The following CCNE2 variants were observed in gnomAD, a reference collection of about 807,000 sequenced individuals.
CCNE2 encodes the protein cyclin E2.
CCNE2 carries 18 observed loss-of-function variants against 56.8 expected under a neutral mutation model. The ratio of observed to expected loss-of-function variants is 0.32; its 90% CI spans 0.22 to 0.47. The LOEUF (loss-of-function observed/expected upper bound fraction) is 0.47. Among genes scored for constraint, CCNE2 ranks in the 20% least tolerant of loss-of-function variants. The pLI is 1.00. For synonymous variants in CCNE2, 139 were observed against 149.2 expected, an observed-to-expected ratio of 0.93 and a Z score of 0.50; for missense variants, 371 against 467.1, an observed-to-expected ratio of 0.79 and a Z score of 1.90.
At chr8:94,896,095 T>G (rs1289504347), upstream of CCNE2, among the ~76,000 whole-genome samples, 2 of 152,080 alleles carry the variant, frequency 1.3e-5, no homozygotes, top group Non-Finnish European at 2.9e-5. Context: ...CTCCCTTGCT[T>G]CCTCTCTTCT....
chr8:94,889,148 CAAA>C (rs763468581), intron 6 of CCNE2, among the ~76,000 whole-genome samples: 3 of 111,948 alleles, frequency 2.7e-5, no homozygotes, highest in Admixed American at 9.3e-5. Flanking sequence ...GGCTCCGTCT[CAAA>C]AAAAAAAAAA....
chr8:94,893,930 T>C lies in CCNE2; in HGVS notation c.126A>G (p.Arg42=), dbSNP rs1586559047. ...KRKTTQDVKK[R]REEVTKKHQY... ...GATGTTTCTTGGTGACCTCCTCTCT[T>C]CTTTTTTTGACATCCTGGAAAATAG... is the stretch of plus-strand genomic sequence containing the variant. Residue 42 remains arginine (R), a synonymous_variant, in exon 4 of 12, where the codon AGA becomes AGG. Coordinates refer to ENST00000308108, the MANE Select transcript of CCNE2 (RefSeq NM_057749.3). The C allele has an allele frequency of 6.2e-7, 1 of 1,614,180 alleles. No homozygotes were observed. The highest frequency in any genetic ancestry group is 8.5e-7 in the Non-Finnish European group (1 of 1,180,016).
chr8:94,880,232 T>G lies in CCNE2; in HGVS notation c.*1400A>C. On this transcript the variant is annotated 3_prime_UTR_variant, in exon 12 of 12. Transcript: ENST00000308108. ...CCAAGCAATGGCAAAACTTTACTTT[T>G]AAGCAGTTAAATTTTTTTAACTTTT... 1 of 1,562,306 alleles carries G rather than the reference T, an allele frequency of 6.4e-7. No homozygotes were observed. The highest frequency in any genetic ancestry group is 8.7e-7 in the Non-Finnish European group (1 of 1,146,236).
intron 10 of CCNE2, among the ~76,000 whole-genome samples, 167 bp downstream of exon 10, chr8:94,882,614 C>A (rs185712331): frequency 1.0e-3 from 152 of 152,232 alleles, no homozygotes; most frequent in African/African-American, 3.5e-3. Context: ...TTTGTTGATA[C>A]ACATTCAGGA....
At position 94,881,453 on chromosome 8, in the gene CCNE2, A is replaced by G. The variant is rs1477274243; in HGVS notation, c.*179T>C. 1 of 591,446 alleles carries G rather than the reference A, an allele frequency of 1.7e-6. No homozygotes were observed. The highest frequency in any genetic ancestry group is 2.9e-6 in the Non-Finnish European group (1 of 343,182). The allele number at this position is 591,446 out of a possible 1,614,324, so 36.6% of individuals were successfully genotyped here. Reference sequence around the variant, plus strand: ...TGTTTCTTTAACAGCTAACATAGGAAATAATTAAATGTATTCTTTAGTGCC... The same window carrying G: ...TGTTTCTTTAACAGCTAACATAGGAGATAATTAAATGTATTCTTTAGTGCC... On this transcript the variant is annotated 3_prime_UTR_variant, in exon 12 of 12. Coordinates refer to ENST00000308108, the MANE Select transcript of CCNE2 (RefSeq NM_057749.3).
At position 94,880,834 on chromosome 8, in the gene CCNE2, G is replaced by A. The variant is rs1322197594; in HGVS notation, c.*798C>T. ...TTCCTCATATAAATAGTTTGAAAGG[G>A]TACTTAAGTTTTTCACCCAAATTGT... On this transcript the variant is annotated 3_prime_UTR_variant, in exon 12 of 12. Transcript: ENST00000308108. 2.5e-6 allele frequency: 1 copy of A among 398,458 alleles called. No individual in the cohort carries two copies. Among genetic ancestry groups the A allele is most frequent in the Non-Finnish European group, 4.4e-6 (1 of 225,800 alleles). The allele number at this position is 398,458 out of a possible 1,614,324, so 24.7% of individuals were successfully genotyped here.
At chr8:94,895,005 G>A (rs551313384) in intron 1 of CCNE2, among the ~76,000 whole-genome samples, 172 bp downstream of exon 1, 84 of 152,212 alleles carry the variant, frequency 5.5e-4, no homozygotes, top group African/African-American at 1.9e-3. Flanking sequence ...GCCGCTTCCC[G>A]GTCCCCTGCC....
upstream of CCNE2, among the ~76,000 whole-genome samples, chr8:94,896,290 GC>G (rs1817558969): frequency 1.3e-5 from 2 of 148,526 alleles, no homozygotes; most frequent in Non-Finnish European, 3.0e-5. Context: ...CCGCCAGCGC[GC>G]CCTGCGGAGC....
At chr8:94,889,425 A>G (rs574761297) in intron 6 of CCNE2, among the ~76,000 whole-genome samples, 1 of 152,232 alleles carries the variant, frequency 6.6e-6, no homozygotes. Context: ...AACAAAAAGG[A>G]AACAAATTAA....
At chr8:94,891,031 A>T (rs1356021366) in intron 5 of CCNE2, among the ~76,000 whole-genome samples, 1 of 152,212 alleles carries the variant, frequency 6.6e-6, no homozygotes. Context: ...AAGAAAAAAA[A>T]CTTCTGCCTT....
At chr8:94,892,183 A>G (rs1292705760) in intron 5 of CCNE2, 2 of 449,250 alleles carry the variant, frequency 4.5e-6, no homozygotes, top group East Asian at 5.6e-5. Flanking sequence ...AGTTAAACAC[A>G]TAAGGCATGT....
intron 4 of CCNE2, chr8:94,893,604 G>A: frequency 2.6e-6 from 1 of 385,492 alleles, no homozygotes; most frequent in East Asian, 4.6e-5. Context: ...AGGGAACAAA[G>A]AGCAGTATAT....
At chr8:94,885,236 A>G (rs375575007) in intron 8 of CCNE2, 35 bp from the exon 9 acceptor site, 2 of 1,588,674 alleles carry the variant, frequency 1.3e-6, no homozygotes, top group East Asian at 2.2e-5. Context: ...CTGTTAATGA[A>G]TGTAGACACA....
In CCNE2 at chr8:94,892,931, A is replaced by T. The variant is rs749336295; in HGVS notation, c.204T>A (p.Pro68=). 1 of 1,545,912 alleles carries T rather than the reference A, an allele frequency of 6.5e-7. No homozygotes were observed. Among genetic ancestry groups the T allele is most frequent in the Middle Eastern group, 1.7e-4 (1 of 5,942 alleles). The change falls in exon 5 of 12, where the codon CCT becomes CCA. Residue 68 remains proline, a synonymous_variant. Coordinates refer to ENST00000308108, the MANE Select transcript of CCNE2 (RefSeq NM_057749.3). ...TGTGAGGTGTTTCAATGATAATGCA[A>T]GGACTGATCCCCCCAGATAATACAG... ...WPPVLSGGIS[P]CIIIETPHKE...
upstream of CCNE2, chr8:94,895,938 A>T (rs1320921017): frequency 2.0e-5 from 3 of 152,376 alleles, no homozygotes; most frequent in Non-Finnish European, 4.4e-5. Context: ...GTATGTATCA[A>T]CCCTGCTTTC....
At chr8:94,887,844 C>A (rs962991610) in intron 7 of CCNE2, 83 bp downstream of exon 7, 1 of 892,754 alleles carries the variant, frequency 1.1e-6, no homozygotes, top group South Asian at 1.9e-5. Flanking sequence ...TAATATAAAA[C>A]ATAGTATTCT....
chr8:94,895,739 G>C (rs1365539482), upstream of CCNE2: 2 of 152,456 alleles, frequency 1.3e-5, no homozygotes, highest in Admixed American at 1.3e-4. Flanking sequence ...GTTGGCTGAA[G>C]AGCTGGCCAA....
chr8:94,891,672 A>C (rs539839395), intron 5 of CCNE2: 87 of 530,638 alleles, frequency 1.6e-4, no homozygotes, highest in African/African-American at 1.5e-3. Flanking sequence ...AAAAAAAAAA[A>C]AAAAAAAACA....
intron 5 of CCNE2, 121 bp downstream of exon 5, chr8:94,892,697 A>G: frequency 9.1e-6 from 5 of 546,660 alleles, no homozygotes; most frequent in Non-Finnish European, 1.5e-5. Context: ...ATATGATTAA[A>G]TATTAGTAAA....
Sources: gnomAD v4.1 joint callset for allele counts (sites outside exome capture counted in the v4.1 genomes callset) on GRCh38, gnomAD v4.1.1 for gene constraint, MANE v1.5 for transcripts, NCBI Gene and HGNC (gene_info 2026-07-23, HGNC 2026-07-21) for gene names.